OR2L13: variants seen among roughly 807,000 people sequenced by gnomAD.
OR2L13 encodes olfactory receptor family 2 subfamily L member 13.
Under a neutral mutation model 15.3 loss-of-function variants are expected in OR2L13, and 14 were observed. That is an observed-to-expected ratio of 0.91 (90% CI 0.60 to 1.43). OR2L13 has a LOEUF of 1.43. OR2L13 is among the 40% of genes most tolerant of loss of function. OR2L13 has a pLI of 0.00. For synonymous variants in OR2L13, 152 were observed against 142.9 expected, an observed-to-expected ratio of 1.06 and a Z score of -0.45; for missense variants, 367 against 387.9, an observed-to-expected ratio of 0.95 and a Z score of 0.45.
the OR2L13 span, among the ~76,000 whole-genome samples, chr1:247,941,827 C>G: frequency 6.0e-3 from 916 of 152,252 alleles, 8 homozygotes; most frequent in African/African-American, 0.021. Flanking sequence ...AGGAATGTCT[C>G]TTATTCTCTT....
the OR2L13 span, among the ~76,000 whole-genome samples, chr1:248,082,814 T>G: frequency 6.6e-6 from 1 of 152,214 alleles, no homozygotes; most frequent in Non-Finnish European, 1.5e-5. Flanking sequence ...TACTCAGCTT[T>G]GATAACTCAT....
At chr1:248,050,034 G>C in the OR2L13 span, among the ~76,000 whole-genome samples, 14 of 152,224 alleles carry the variant, frequency 9.2e-5, no homozygotes, top group Admixed American at 5.2e-4. Flanking sequence ...TTATTTTGAT[G>C]AACTCCAATA....
the OR2L13 span, among the ~76,000 whole-genome samples, chr1:247,978,603 G>A: frequency 6.6e-6 from 1 of 152,064 alleles, no homozygotes; most frequent in Non-Finnish European, 1.5e-5. Context: ...AAAATAAACA[G>A]GTCACTTTTA....
the OR2L13 span, among the ~76,000 whole-genome samples, chr1:248,071,483 A>C: frequency 2.0e-5 from 3 of 152,160 alleles, no homozygotes; most frequent in Admixed American, 6.5e-5. Flanking sequence ...ATCTCAAAAT[A>C]ATAAGAGCTG....
At chr1:248,027,375 G>T in the OR2L13 span, among the ~76,000 whole-genome samples, 2 of 152,162 alleles carry the variant, frequency 1.3e-5, no homozygotes, top group African/African-American at 4.8e-5. Context: ...GTGGTCCCGT[G>T]ATCTCGCCCT....
chr1:248,002,806 C>G, the OR2L13 span, among the ~76,000 whole-genome samples: 1 of 150,296 alleles, frequency 6.7e-6, no homozygotes, highest in Non-Finnish European at 1.5e-5. Flanking sequence ...TGCAGTGAGC[C>G]GAGATCGCAC....
chr1:248,056,913 G>C, the OR2L13 span, among the ~76,000 whole-genome samples: 1 of 152,210 alleles, frequency 6.6e-6, no homozygotes, highest in African/African-American at 2.4e-5. Context: ...GCCTCCCAAA[G>C]TGCTGGGATT....
the OR2L13 span, among the ~76,000 whole-genome samples, chr1:247,940,899 C>T: frequency 6.6e-6 from 1 of 152,152 alleles, no homozygotes; most frequent in East Asian, 1.9e-4. Context: ...TCTGCAGCTT[C>T]ATCAACATCT....
the OR2L13 span, among the ~76,000 whole-genome samples, chr1:247,999,176 TTA>T: frequency 6.6e-6 from 1 of 152,158 alleles, no homozygotes; most frequent in South Asian, 2.1e-4. Context: ...CAACAAAAGC[TTA>T]CATTTCTAGT....
the OR2L13 span, among the ~76,000 whole-genome samples, chr1:247,986,830 C>T: frequency 3.3e-5 from 5 of 152,264 alleles, no homozygotes; most frequent in Admixed American, 6.5e-5. Context: ...TCCTTCACGT[C>T]CGTTGTAAGT....
chr1:248,039,465 G>A, the OR2L13 span: 2 of 280,582 alleles, frequency 7.1e-6, no homozygotes, highest in African/African-American at 4.5e-5. Flanking sequence ...TTGTTGCCCA[G>A]GCTCTAATGC....
At chr1:248,090,408 A>G (rs913492863), upstream of OR2L13, among the ~76,000 whole-genome samples, 11 of 152,288 alleles carry the variant, frequency 7.2e-5, no homozygotes, top group East Asian at 1.9e-3. Flanking sequence ...TAATAAGCAT[A>G]GTACCCAGTA....
the OR2L13 span, among the ~76,000 whole-genome samples, chr1:248,036,501 C>T: frequency 6.6e-6 from 1 of 152,248 alleles, no homozygotes; most frequent in Admixed American, 6.5e-5. Flanking sequence ...TGTACATACA[C>T]GTGTATTGAT....
chr1:248,072,818 C>T, the OR2L13 span, among the ~76,000 whole-genome samples: 3 of 151,610 alleles, frequency 2.0e-5, no homozygotes, highest in Non-Finnish European at 4.4e-5. Flanking sequence ...GGGCAAAGCA[C>T]ATGAACAGAC....
chr1:247,999,729 A>G, the OR2L13 span, among the ~76,000 whole-genome samples: 1 of 152,112 alleles, frequency 6.6e-6, no homozygotes, highest in East Asian at 1.9e-4. Flanking sequence ...TTGACATTCT[A>G]GACAAGTGCT....
chr1:247,968,747 A>T, the OR2L13 span, among the ~76,000 whole-genome samples: 3 of 151,800 alleles, frequency 2.0e-5, no homozygotes, highest in South Asian at 2.1e-4. Context: ...TCTATCATTG[A>T]TGGACATTTG....
chr1:248,009,726 C>A, the OR2L13 span, among the ~76,000 whole-genome samples: 1 of 152,056 alleles, frequency 6.6e-6, no homozygotes, highest in Non-Finnish European at 1.5e-5. Flanking sequence ...AAGAAAATTT[C>A]AGGCCAATAT....
the OR2L13 span, chr1:248,061,204 C>T: frequency 6.2e-7 from 1 of 1,612,224 alleles, no homozygotes. Context: ...GGCCATCAAT[C>T]ATTTCTTCTG....
the OR2L13 span, among the ~76,000 whole-genome samples, chr1:247,969,347 A>T: frequency 2.0e-5 from 3 of 152,070 alleles, no homozygotes; most frequent in Admixed American, 6.5e-5. Context: ...TCTTTAGTTT[A>T]ATTAGATCCC....
Sources: gnomAD v4.1 joint callset for allele counts (sites outside exome capture counted in the v4.1 genomes callset) on GRCh38, gnomAD v4.1.1 for gene constraint, MANE v1.5 for transcripts, NCBI Gene and HGNC (gene_info 2026-07-23, HGNC 2026-07-21) for gene names.